TYW1: variants seen among roughly 807,000 people sequenced by gnomAD.
TYW1 encodes the protein tRNA-yW synthesizing protein 1 homolog, also known as S-adenosyl-L-methionine-dependent tRNA 4-demethylwyosine synthase TYW1.
A neutral mutation model predicts 96.2 loss-of-function variants in TYW1; 46 were observed. That is an observed-to-expected ratio of 0.48 (90% CI 0.38 to 0.61). The LOEUF (loss-of-function observed/expected upper bound fraction) is 0.61, where lower values mean the gene tolerates loss of function less well. Among genes scored for constraint, TYW1 ranks in the 20% least tolerant of loss-of-function variants. The pLI is 0.00. For missense variants in TYW1, 684 were observed against 909.6 expected, an observed-to-expected ratio of 0.75 and a Z score of 3.19; for synonymous variants, 274 against 323.0, an observed-to-expected ratio of 0.85 and a Z score of 1.63.
chr7:67,222,443 G>A (rs547140602), intron 15 of TYW1, among the ~76,000 whole-genome samples: 5 of 151,312 alleles, frequency 3.3e-5, no homozygotes, highest in Admixed American at 1.3e-4. Flanking sequence ...TTCCTTCCTC[G>A]TGTTTTGCCA....
chr7:67,080,470 A>G (rs367698435), intron 10 of TYW1, among the ~76,000 whole-genome samples: 1 of 151,430 alleles, frequency 6.6e-6, no homozygotes, highest in African/African-American at 2.4e-5. Flanking sequence ...CAGTGGCACA[A>G]TCTCGGCTCA....
Position 67,140,176 on chromosome 7 carries a change from G to A in TYW1, c.1698+22558G>A, listed in dbSNP as rs71563169. On this transcript the variant is annotated intron_variant, in intron 13 of 15. Transcript: ENST00000359626. ...CATGAGAACAGCATGGGAAACACTTGCCCCATGATTCAGTTACCTCCTACC... is the reference window on the plus strand; with the variant it reads ...CATGAGAACAGCATGGGAAACACTTACCCCATGATTCAGTTACCTCCTACC... Among the ~76,000 whole-genome samples, 561 of 152,142 alleles carry A rather than the reference G, an allele frequency of 3.7e-3. 1 individual carries two copies. Among genetic ancestry groups the A allele is most frequent in the Admixed American group, 7.7e-3 (117 of 15,284 alleles).
chr7:67,152,856 C>T (rs1375001919), intron 13 of TYW1, among the ~76,000 whole-genome samples: 1 of 152,202 alleles, frequency 6.6e-6, no homozygotes, highest in Non-Finnish European at 1.5e-5. Context: ...CTGCCTGGGC[C>T]TCCCAAAGTG....
chr7:67,085,093 A>G (rs182411369), intron 11 of TYW1, among the ~76,000 whole-genome samples: 1 of 152,332 alleles, frequency 6.6e-6, no homozygotes, highest in East Asian at 1.9e-4. Context: ...AATAGCGCAT[A>G]TGGGAGTCTT....
At chr7:67,001,839 C>A (rs1201031935) in intron 3 of TYW1, among the ~76,000 whole-genome samples, 1 of 151,752 alleles carries the variant, frequency 6.6e-6, no homozygotes, top group Non-Finnish European at 1.5e-5. Flanking sequence ...TCGAGACCAG[C>A]CTCGGCAACA....
intron 15 of TYW1, among the ~76,000 whole-genome samples, chr7:67,231,562 G>A: frequency 6.6e-6 from 1 of 152,208 alleles, no homozygotes; most frequent in Non-Finnish European, 1.5e-5. Context: ...TTTGGATATA[G>A]AATTCTTGGC....
intron 14 of TYW1, among the ~76,000 whole-genome samples, chr7:67,189,446 T>C (rs1800138668): frequency 6.7e-6 from 1 of 148,586 alleles, no homozygotes; most frequent in Non-Finnish European, 1.5e-5. Context: ...TGTGTATGTA[T>C]GTGTGTGTGT....
At chr7:67,127,531 A>G (rs1445331986) in intron 13 of TYW1, among the ~76,000 whole-genome samples, 1 of 152,104 alleles carries the variant, frequency 6.6e-6, no homozygotes, top group Non-Finnish European at 1.5e-5. Flanking sequence ...CATTTTACTT[A>G]TACATAGGCA....
rs538784483 is a variant in TYW1 at position 67,168,697 on chromosome 7, A to G, written c.1699-14429A>G. 3.3e-5 allele frequency among the ~76,000 whole-genome samples: 5 copies of G among 152,038 alleles called. No individual in the cohort carries two copies. In the East Asian group the frequency reaches 9.7e-4, roughly 29 times the overall value. On this transcript the variant is annotated intron_variant, in intron 13 of 15. Transcript: ENST00000359626. ...TCCTAGTAATAGTATGCATATTTTT[A>G]TTTCTTATTCTTTTTTTTTCTTTTT...
chr7:67,122,124 T>C (rs1276988872), intron 13 of TYW1, among the ~76,000 whole-genome samples: 1 of 152,084 alleles, frequency 6.6e-6, no homozygotes, highest in East Asian at 1.9e-4. Context: ...CAAGATCCAG[T>C]AGTAAACTGA....
intron 9 of TYW1, among the ~76,000 whole-genome samples, chr7:67,059,684 C>T (rs913249058): frequency 2.7e-5 from 4 of 150,130 alleles, no homozygotes; most frequent in African/African-American, 9.8e-5. Flanking sequence ...TTAGTGATTC[C>T]ATTCTGATTT....
intron 13 of TYW1, among the ~76,000 whole-genome samples, chr7:67,138,017 G>A (rs1444012117): frequency 6.6e-6 from 1 of 152,150 alleles, no homozygotes; most frequent in Non-Finnish European, 1.5e-5. Context: ...ACTAGGCCTT[G>A]TGCTCTTGTT....
At position 66,998,081 on chromosome 7, in the gene TYW1, A is replaced by T; in HGVS notation, c.21A>T (p.Thr7=). 6.2e-7 allele frequency: 1 copy of T among 1,600,736 alleles called. No individual in the cohort carries two copies. Among genetic ancestry groups the T allele is most frequent in the Non-Finnish European group, 8.5e-7 (1 of 1,176,362 alleles). The change falls in exon 2 of 16, where the codon ACA becomes ACT. Residue 7 remains threonine (T), a synonymous_variant. Transcript: ENST00000359626. ...TAAATTTAGATCCTTCTGCGGATAC[A>T]TGGGACCTCTTCTCACCTTTAATAT... The part of the protein sequence containing the change: MDPSAD[T]WDLFSPLISL...
chr7:67,173,417 T>TA (rs1283146596), intron 13 of TYW1, among the ~76,000 whole-genome samples: 11 of 152,216 alleles, frequency 7.2e-5, no homozygotes, highest in African/African-American at 2.7e-4. Flanking sequence ...AAATGGTAGT[T>TA]ACAACTAAAG....
chr7:67,017,569 A>AT (rs963797471), intron 5 of TYW1, among the ~76,000 whole-genome samples: 326 of 148,568 alleles, frequency 2.2e-3, no homozygotes, highest in Non-Finnish European at 3.6e-3. Context: ...TAGGTTTCAA[A>AT]TTTTTTTTTT....
intron 15 of TYW1, among the ~76,000 whole-genome samples, chr7:67,231,514 A>T (rs1801747403): frequency 6.6e-6 from 1 of 152,202 alleles, no homozygotes; most frequent in South Asian, 2.1e-4. Flanking sequence ...TGAGACCTTT[A>T]ATGTCCAAAC....
At chr7:67,093,064 G>T (rs963524183) in intron 11 of TYW1, among the ~76,000 whole-genome samples, 4 of 152,162 alleles carry the variant, frequency 2.6e-5, no homozygotes, top group Non-Finnish European at 4.4e-5. Context: ...CACCTGAGGA[G>T]GCAGAGGTGG....
chr7:67,229,407 G>T (rs539659775), intron 15 of TYW1, among the ~76,000 whole-genome samples: 23 of 151,970 alleles, frequency 1.5e-4, no homozygotes, highest in African/African-American at 5.5e-4. Context: ...GCCGTGGTGG[G>T]GCATGCCTGT....
In TYW1 at chr7:67,195,172, C is replaced by T. The variant is rs142524777; in HGVS notation, c.1812C>T (p.Gly604=). The part of the protein sequence containing the change: ...LGNPDFIEVK[G]VTYCGESSAS... ...TGATGGTTATACTGTTTCCACAGGG[C>T]GTTACCTACTGCGGAGAAAGTTCAG... The change falls in exon 15 of 16, where the codon GGC becomes GGT. Residue 604 remains glycine (G), a splice_region_variant and synonymous_variant. Coordinates refer to ENST00000359626, the MANE Select transcript of TYW1 (RefSeq NM_018264.4). 122 of 1,613,828 alleles carry T rather than the reference C, an allele frequency of 7.6e-5. No homozygotes were observed. The highest frequency in any genetic ancestry group is 4.7e-5 in the Non-Finnish European group (55 of 1,179,896).
Sources: allele counts gnomAD v4.1 joint callset (sites outside exome capture counted in the v4.1 genomes callset), GRCh38; gene constraint gnomAD v4.1.1; transcripts MANE v1.5; gene names NCBI Gene and HGNC (gene_info 2026-07-23, HGNC 2026-07-21).